The following ROBO2 variants were observed in gnomAD, a reference collection of about 807,000 sequenced individuals.
The protein encoded by ROBO2 is roundabout guidance receptor 2, also known as roundabout homolog 2.
Under a neutral mutation model 160.8 loss-of-function variants are expected in ROBO2, and 53 were observed. That is an observed-to-expected ratio of 0.33 (90% CI 0.26 to 0.41). The LOEUF (loss-of-function observed/expected upper bound fraction) is 0.41. Among genes scored for constraint, ROBO2 ranks in the 10% least tolerant of loss-of-function variants. The pLI, the probability that ROBO2 is intolerant of heterozygous loss-of-function variation, is 1.00. For synonymous variants in ROBO2, 664 were observed against 611.7 expected (o/e 1.09, Z -1.26); for missense variants, 1,577 against 1,722.4 (o/e 0.92, Z 1.49).
At chr3:77,494,125 TTTG>T (rs1449366108) in intron 5 of ROBO2, among the ~76,000 whole-genome samples, 6 of 152,332 alleles carry the variant, frequency 3.9e-5, no homozygotes, top group African/African-American at 9.6e-5. Flanking sequence ...TCAAGTGTTT[TTTG>T]TTGTTGTTGT....
intron 2 of ROBO2, among the ~76,000 whole-genome samples, chr3:76,260,858 A>G (rs1379879615): frequency 1.7e-4 from 26 of 152,110 alleles, no homozygotes; most frequent in Admixed American, 1.7e-3. Context: ...AAAGATAGCA[A>G]TAAACCTGAA....
At chr3:76,333,207 G>T (rs1459789677) in intron 2 of ROBO2, among the ~76,000 whole-genome samples, 6 of 152,176 alleles carry the variant, frequency 3.9e-5, no homozygotes, top group Non-Finnish European at 7.3e-5. Flanking sequence ...GTGTCTTGAA[G>T]TTCGTAAATT....
intron 2 of ROBO2, among the ~76,000 whole-genome samples, chr3:77,119,880 T>C (rs767597320): frequency 2.0e-5 from 3 of 152,210 alleles, no homozygotes; most frequent in African/African-American, 4.8e-5. Flanking sequence ...TCCAGTTTCA[T>C]ATAGTAAAAT....
At position 76,016,424 on chromosome 3, in the gene ROBO2, G is replaced by A. The variant is rs147009400; in HGVS notation, c.109+78822G>A. Among the ~76,000 whole-genome samples, 224 of 151,606 alleles carry A rather than the reference G, an allele frequency of 1.5e-3. 1 individual carries two copies. Among genetic ancestry groups the A allele is most frequent in the African/African-American group, 4.9e-3 (204 of 41,322 alleles). Reference sequence around the variant, plus strand: ...CATGAAATCTCTGTCAGTATATCTCGTATCAGTGCCTAGCTCGGATGCTAA... The same window carrying A: ...CATGAAATCTCTGTCAGTATATCTCATATCAGTGCCTAGCTCGGATGCTAA... On this transcript the variant is annotated intron_variant, in intron 2 of 26. Coordinates refer to the ROBO2 transcript ENST00000487694.
At position 77,488,615 on chromosome 3, in the gene ROBO2, T is replaced by C. The variant is rs991746844; in HGVS notation, c.668-4629T>C. The stretch of plus-strand genomic sequence containing the variant: ...TGAGTGTGATCACTTATCAATGTAT[T>C]GGATGGTTTTATTATCAACTTACTT... On this transcript the variant is annotated intron_variant, in intron 4 of 25. Coordinates refer to ENST00000461745, the Ensembl canonical transcript of ROBO2. 2.6e-5 allele frequency among the ~76,000 whole-genome samples: 4 copies of C among 152,214 alleles called. No individual in the cohort carries two copies. In the East Asian group the frequency reaches 7.7e-4, roughly 29 times the overall value.
chr3:76,502,112 T>C (rs1043103172), intron 2 of ROBO2, among the ~76,000 whole-genome samples: 1 of 147,568 alleles, frequency 6.8e-6, no homozygotes, highest in Non-Finnish European at 1.5e-5. Flanking sequence ...ATGACATCAA[T>C]TATGTTTTGT....
Position 76,926,405 on chromosome 3 carries a change from G to C in ROBO2, c.110-171609G>C, listed in dbSNP as rs936713609. On this transcript the variant is annotated intron_variant, in intron 2 of 26. Coordinates refer to the ROBO2 transcript ENST00000487694. ...ACTGGAAGGAAGGTGCCATACTTGAGTTATCAGTGAATCCCTTTAGGTTCT... is the reference window on the plus strand; with the variant it reads ...ACTGGAAGGAAGGTGCCATACTTGACTTATCAGTGAATCCCTTTAGGTTCT... Among the ~76,000 whole-genome samples the C allele has an allele frequency of 3.9e-5, 6 of 152,300 alleles. No homozygotes were observed. The South Asian group carries it at 1.2e-3, about 32-fold the overall frequency.
chr3:76,373,059 A>G (rs2108494504), intron 2 of ROBO2, among the ~76,000 whole-genome samples: 1 of 152,144 alleles, frequency 6.6e-6, no homozygotes, highest in Non-Finnish European at 1.5e-5. Flanking sequence ...AACTGTTTCT[A>G]ATTTTCTTTC....
At chr3:76,770,252 G>T (rs2061807831) in intron 2 of ROBO2, among the ~76,000 whole-genome samples, 1 of 151,222 alleles carries the variant, frequency 6.6e-6, no homozygotes, top group Non-Finnish European at 1.5e-5. Flanking sequence ...GTAAACTATG[G>T]TTAAATTATA....
intron 2 of ROBO2, among the ~76,000 whole-genome samples, chr3:77,423,794 G>A (rs1388157441): frequency 2.0e-5 from 3 of 152,142 alleles, no homozygotes; most frequent in East Asian, 1.9e-4. Context: ...CCACCCTGGT[G>A]CTTCCTAAAA....
chr3:77,519,013 G>GA (rs1305455634), intron 5 of ROBO2, among the ~76,000 whole-genome samples: 3 of 151,204 alleles, frequency 2.0e-5, no homozygotes, highest in Non-Finnish European at 3.0e-5. Flanking sequence ...TCTATAGGTA[G>GA]AAAAAAAATA....
At chr3:77,362,176 C>T (rs976110398) in intron 2 of ROBO2, among the ~76,000 whole-genome samples, 1 of 152,112 alleles carries the variant, frequency 6.6e-6, no homozygotes, top group African/African-American at 2.4e-5. Flanking sequence ...GTCAATGATA[C>T]TTGTTAAAGC....
At chr3:76,868,495 A>G (rs143104728) in intron 2 of ROBO2, among the ~76,000 whole-genome samples, 5 of 152,322 alleles carry the variant, frequency 3.3e-5, no homozygotes, top group African/African-American at 1.2e-4. Context: ...TTTTTAGACA[A>G]TAAATCACAA....
intron 23 of ROBO2, chr3:77,629,372 T>C (rs2095107568): frequency 6.6e-6 from 1 of 152,128 alleles, no homozygotes; most frequent in Non-Finnish European, 1.5e-5. Context: ...AATGTGTCAC[T>C]ATGCTAGATC....
At chr3:77,358,754 T>A (rs2069497059) in intron 2 of ROBO2, among the ~76,000 whole-genome samples, 1 of 152,208 alleles carries the variant, frequency 6.6e-6, no homozygotes, top group South Asian at 2.1e-4. Flanking sequence ...AGAAAGAGAT[T>A]TTTAAATATC....
At position 76,761,971 on chromosome 3, in the gene ROBO2, T is replaced by G. The variant is rs184084047; in HGVS notation, c.110-336043T>G. The stretch of plus-strand genomic sequence containing the variant: ...TGATCATAAACTTTTTTTTATCTAA[T>G]AAGATCATGAGACATTTATGGGAAT... On this transcript the variant is annotated intron_variant, in intron 2 of 26. Transcript: ENST00000487694. Among the ~76,000 whole-genome samples the G allele has an allele frequency of 3.1e-3, 464 of 151,408 alleles. 2 individuals are homozygous for G. The highest frequency in any genetic ancestry group is 0.01 in the African/African-American group (431 of 41,402).
At chr3:77,126,782 CTTTTTTTT>C (rs11365042) in intron 2 of ROBO2, among the ~76,000 whole-genome samples, 16 of 62,638 alleles carry the variant, frequency 2.6e-4, no homozygotes, top group East Asian at 4.8e-4. Context: ...TTTGAAACTT[CTTTTTTTT>C]TTTTTTTTTT....
intron 2 of ROBO2, among the ~76,000 whole-genome samples, chr3:77,005,986 G>A (rs2149439754): frequency 6.6e-6 from 1 of 152,164 alleles, no homozygotes; most frequent in East Asian, 1.9e-4. Flanking sequence ...TAACCTTCTA[G>A]TATAAATTAT....
At chr3:76,204,597 C>T (rs1274303166) in intron 2 of ROBO2, among the ~76,000 whole-genome samples, 2 of 152,180 alleles carry the variant, frequency 1.3e-5, no homozygotes, top group African/African-American at 4.8e-5. Flanking sequence ...CAGAATAGAA[C>T]ACCTTGATAT....
Sources: allele counts gnomAD v4.1 joint callset (sites outside exome capture counted in the v4.1 genomes callset), GRCh38; gene constraint gnomAD v4.1.1; transcripts MANE v1.5; gene names NCBI Gene and HGNC (gene_info 2026-07-23, HGNC 2026-07-21).